HAPLN3: variants seen among roughly 807,000 people sequenced by gnomAD.
HAPLN3 encodes the protein hyaluronan and proteoglycan link protein 3, also known as extracellular link domain containing, 1.
Under a neutral mutation model 28.1 loss-of-function variants are expected in HAPLN3, and 28 were observed. The observed-to-expected ratio is 1.00, with a 90% CI of 0.74 to 1.37. HAPLN3 has a LOEUF of 1.37. HAPLN3 is among the 40% of genes most tolerant of loss of function. The pLI is 0.00. For missense variants in HAPLN3, 513 were observed against 504.6 expected, an observed-to-expected ratio of 1.02 and a Z score of -0.16; for synonymous variants, 211 against 213.1, an observed-to-expected ratio of 0.99 and a Z score of 0.09.
chr15:88,890,589 T>C (rs759140241), intron 1 of HAPLN3, among the ~76,000 whole-genome samples: 6 of 152,204 alleles, frequency 3.9e-5, no homozygotes, highest in Non-Finnish European at 7.3e-5. Flanking sequence ...AGCTGAAGAC[T>C]GCATTTCCAG....
chr15:88,879,217 G>T lies in HAPLN3; in HGVS notation c.546C>A (p.His182Gln), dbSNP rs138662474. The T allele has an allele frequency of 2.2e-5, 36 of 1,611,664 alleles. No individual in the cohort carries two copies. The highest frequency in any genetic ancestry group is 2.9e-5 in the Non-Finnish European group (34 of 1,178,876). The change falls in exon 4 of 5, where the codon CAC (histidine) becomes CAA (glutamine). Residue 182 changes from histidine (H) to glutamine (Q), a missense_variant. His to Gln is a conservative substitution (Grantham distance 24). Transcript: ENST00000359595. This position sits in a 1 kb window ranked among gnomAD's most constrained non-coding sequence, Gnocchi z 5.0. Reference protein sequence around the residue: ...SPNGRYQFNFHEGQQVCAEQA... With the variant: ...SPNGRYQFNFQEGQQVCAEQA... ...GCTCTGCACAGACCTGCTGGCCCTC[G>T]TGGAAGTTGAACTGGTAGCGCCCGT...
chr15:88,879,711 T>A lies in HAPLN3; in HGVS notation c.494-442A>T, dbSNP rs191506874. The A allele has an allele frequency of 8.5e-7, 1 of 1,177,630 alleles. No homozygotes were observed. Among genetic ancestry groups the A allele is most frequent in the South Asian group, 1.6e-5 (1 of 60,878 alleles). The allele number at this position is 1,177,630 out of a possible 1,614,324, so 72.9% of individuals were successfully genotyped here. A position where few individuals can be genotyped will look rare whatever the true frequency, so the allele number is the denominator to read the frequency against. ...TTTCCTAGGAAAATGCAAGGAACTT[T>A]CCACGTGTGGCAGATGATTTTCAGG... On this transcript the variant is annotated intron_variant, in intron 3 of 4. Transcript: ENST00000359595. The surrounding 1 kb of genome is among the most constrained non-coding windows in gnomAD (Gnocchi z 5.0).
At chr15:88,886,585 G>C (rs577814247) in intron 2 of HAPLN3, among the ~76,000 whole-genome samples, 2 of 152,014 alleles carry the variant, frequency 1.3e-5, no homozygotes, top group Non-Finnish European at 2.9e-5. Flanking sequence ...AGCAATTTGG[G>C]AGGTCGAGGC....
At chr15:88,885,045 G>C (rs1485636561) in intron 2 of HAPLN3, among the ~76,000 whole-genome samples, 1 of 152,220 alleles carries the variant, frequency 6.6e-6, no homozygotes, top group Non-Finnish European at 1.5e-5. Context: ...AAGCCACCAA[G>C]TTTGTGTTAA....
Position 88,879,216 on chromosome 15 carries a change from C to G in HAPLN3, c.547G>C (p.Glu183Gln), listed in dbSNP as rs1376240464. 1.9e-6 allele frequency: 3 copies of G among 1,611,798 alleles called. No individual in the cohort carries two copies. Among genetic ancestry groups the G allele is most frequent in the South Asian group, 2.2e-5 (2 of 90,758 alleles). ...PNGRYQFNFH[E>Q]GQQVCAEQAA... ...TGCTCTGCACAGACCTGCTGGCCCT[C>G]GTGGAAGTTGAACTGGTAGCGCCCG... The change falls in exon 4 of 5, where the codon GAG becomes CAG. Residue 183 changes from glutamate to glutamine, a missense_variant. By Grantham distance (29) the Glu-to-Gln change is conservative. Coordinates refer to ENST00000359595, the MANE Select transcript of HAPLN3 (RefSeq NM_178232.4). This position sits in a 1 kb window ranked among gnomAD's most constrained non-coding sequence, Gnocchi z 5.0.
chr15:88,892,088 G>C (rs1464754904), intron 1 of HAPLN3, among the ~76,000 whole-genome samples: 1 of 152,178 alleles, frequency 6.6e-6, no homozygotes, highest in African/African-American at 2.4e-5. Context: ...GCCACTAAGT[G>C]ACATCAGTAA....
In HAPLN3 at chr15:88,879,063, C is replaced by T. The variant is rs768239425; in HGVS notation, c.700G>A (p.Gly234Ser). ...ACGCCAGGTGCCAGGCCCGGGCCAC[C>T]GCAGGGCTGCCGGGGCAACATGATG... ...YPIMLPRQPC[G>S]GPGLAPGVRS... Residue 234 changes from glycine to serine, a missense_variant, in exon 4 of 5, where the codon GGT becomes AGT. By Grantham distance (56) the Gly-to-Ser change is moderately conservative. Coordinates refer to ENST00000359595, the MANE Select transcript of HAPLN3 (RefSeq NM_178232.4). This position sits in a 1 kb window ranked among gnomAD's most constrained non-coding sequence, Gnocchi z 5.0. 2.9e-5 allele frequency: 46 copies of T among 1,606,078 alleles called. No homozygotes were observed. The highest frequency in any genetic ancestry group is 3.7e-5 in the Non-Finnish European group (44 of 1,176,608).
In HAPLN3 at chr15:88,879,014, C is replaced by T. The variant is rs769466392; in HGVS notation, c.749G>A (p.Arg250His). ...PGVRSYGPRH[R>H]RLHRYDVFCF... is the part of the protein sequence containing the mutation. ...GAATACATCATAGCGGTGCAGGCGG[C>T]GGTGGCGGGGGCCGTAGCTTCGCAC... is the stretch of plus-strand genomic sequence containing the variant. Residue 250 changes from arginine (R) to histidine (H), a missense_variant, in exon 4 of 5, where the codon CGC (arginine) becomes CAC (histidine). Transcript: ENST00000359595. This position sits in a 1 kb window ranked among gnomAD's most constrained non-coding sequence, Gnocchi z 5.0. 21 of 1,609,560 alleles carry T rather than the reference C, an allele frequency of 1.3e-5. No homozygotes were observed. The highest frequency in any genetic ancestry group is 8.4e-5 in the Admixed American group (5 of 59,562).
At chr15:88,886,401 T>C (rs1361260457) in intron 2 of HAPLN3, among the ~76,000 whole-genome samples, 1 of 151,740 alleles carries the variant, frequency 6.6e-6, no homozygotes, top group African/African-American at 2.4e-5. Flanking sequence ...ATCAGGGCTT[T>C]TGTGATTACA....
At position 88,879,094 on chromosome 15, in the gene HAPLN3, C is replaced by T. The variant is rs1037125076; in HGVS notation, c.669G>A (p.Gln223=). 6.2e-7 allele frequency: 1 copy of T among 1,611,770 alleles called. No individual in the cohort carries two copies. The highest frequency in any genetic ancestry group is 8.5e-7 in the Non-Finnish European group (1 of 1,179,108). The stretch of plus-strand genomic sequence containing the variant: ...GCTGCCGGGGCAACATGATGGGGTA[C>T]TGCACCGTGGCATCCTGCAGCCAGC... The part of the protein sequence containing the change: ...NAGWLQDATV[Q]YPIMLPRQPC... The change falls in exon 4 of 5, where the codon CAG becomes CAA. Residue 223 remains glutamine, a synonymous_variant. Transcript: ENST00000359595. The surrounding 1 kb of genome is among the most constrained non-coding windows in gnomAD (Gnocchi z 5.0).
In HAPLN3 at chr15:88,880,284, C is replaced by T; in HGVS notation, c.494-1015G>A. 3 of 1,055,528 alleles carry T rather than the reference C, an allele frequency of 2.8e-6. No individual in the cohort carries two copies. The highest frequency in any genetic ancestry group is 2.3e-6 in the Non-Finnish European group (2 of 870,842). 65.4% of individuals were successfully genotyped at this position (1,055,528 alleles called of 1,614,324 possible). A position where few individuals can be genotyped will look rare whatever the true frequency, so the allele number is the denominator to read the frequency against. On this transcript the variant is annotated intron_variant, in intron 3 of 4. Transcript: ENST00000359595. The surrounding 1 kb of genome is among the most constrained non-coding windows in gnomAD (Gnocchi z 6.0). Reference sequence around the variant, plus strand: ...CCCAGACCAATGACTCTTGCAGGTTCTCCCCAACTCCACTGCCACCCCAAC... The same window carrying T: ...CCCAGACCAATGACTCTTGCAGGTTTTCCCCAACTCCACTGCCACCCCAAC...
intron 1 of HAPLN3, among the ~76,000 whole-genome samples, chr15:88,894,221 G>C (rs1366128398): frequency 6.6e-6 from 1 of 152,182 alleles, no homozygotes; most frequent in Non-Finnish European, 1.5e-5. Context: ...AGAGAGTGGA[G>C]GTCAGTGAAC....
chr15:88,878,083 G>C lies in HAPLN3; in HGVS notation c.970C>G (p.Pro324Ala). 1 of 1,614,026 alleles carries C rather than the reference G, an allele frequency of 6.2e-7. No individual in the cohort carries two copies. Among genetic ancestry groups the C allele is most frequent in the South Asian group, 1.1e-5 (1 of 91,084 alleles). ...GWLADGSVRY[P>A]VVHPHPNCGP... ...CAGTTAGGATGCGGGTGAACCACAG[G>C]GTAGCGGACGCTACCATCTGCCAGC... is the stretch of plus-strand genomic sequence containing the variant. The change falls in exon 5 of 5, where the codon CCT becomes GCT. Residue 324 changes from proline to alanine, a missense_variant. Coordinates refer to ENST00000359595, the MANE Select transcript of HAPLN3 (RefSeq NM_178232.4).
chr15:88,879,817 G>A lies in HAPLN3; in HGVS notation c.494-548C>T. On this transcript the variant is annotated intron_variant, in intron 3 of 4. Coordinates refer to ENST00000359595, the MANE Select transcript of HAPLN3 (RefSeq NM_178232.4). The surrounding 1 kb of genome is among the most constrained non-coding windows in gnomAD (Gnocchi z 5.0). ...AGGAGGCTCAAGGGCAGGGAGGTCT[G>A]GGGCAGGCGGTTTCTCTCCTTGTGG... 1 of 1,079,314 alleles carries A rather than the reference G, an allele frequency of 9.3e-7. No homozygotes were observed. The highest frequency in any genetic ancestry group is 1.1e-6 in the Non-Finnish European group (1 of 886,006). The allele number at this position is 1,079,314 out of a possible 1,614,324, so 66.9% of individuals were successfully genotyped here.
At position 88,878,092 on chromosome 15, in the gene HAPLN3, C is replaced by T. The variant is rs368331485; in HGVS notation, c.961G>A (p.Val321Ile). Residue 321 changes from valine to isoleucine, a missense_variant, in exon 5 of 5, where the codon GTC (valine) becomes ATC (isoleucine). Coordinates refer to ENST00000359595, the MANE Select transcript of HAPLN3 (RefSeq NM_178232.4). ...CDAGWLADGS[V>I]RYPVVHPHPN... ...TGCGGGTGAACCACAGGGTAGCGGACGCTACCATCTGCCAGCCAGCCAGCG... is the reference window on the plus strand; with the variant it reads ...TGCGGGTGAACCACAGGGTAGCGGATGCTACCATCTGCCAGCCAGCCAGCG... 37 of 1,613,904 alleles carry T rather than the reference C, an allele frequency of 2.3e-5. No individual in the cohort carries two copies. Among genetic ancestry groups the T allele is most frequent in the Admixed American group, 1.0e-4 (6 of 60,002 alleles).
chr15:88,887,068 C>A, intron 2 of HAPLN3, 107 bp downstream of exon 2: 1 of 1,261,944 alleles, frequency 7.9e-7, no homozygotes, highest in Admixed American at 1.7e-5. Context: ...CCTGCTGGAA[C>A]AGGGCTGCTG....
chr15:88,883,637 A>G (rs1348205386), intron 2 of HAPLN3, among the ~76,000 whole-genome samples: 1 of 152,260 alleles, frequency 6.6e-6, no homozygotes, highest in African/African-American at 2.4e-5. Flanking sequence ...ATAAAATACT[A>G]TACAGCCATG....
chr15:88,884,066 C>G (rs959044600), intron 2 of HAPLN3, among the ~76,000 whole-genome samples: 5 of 149,218 alleles, frequency 3.4e-5, no homozygotes, highest in African/African-American at 1.2e-4. Context: ...GAGTGAGACC[C>G]TGTCTCAAAA....
At position 88,881,630 on chromosome 15, in the gene HAPLN3, A is replaced by T; in HGVS notation, c.220T>A (p.Tyr74Asn). ...CGCGGGGAGACCAGGGCCGGCTCGT[A>T]GCGGTAGCGGCAGGGCAGGATCACA... ...ASVILPCRYR[Y>N]EPALVSPRRV... Residue 74 changes from tyrosine to asparagine, a missense_variant, in exon 3 of 5, where the codon TAC becomes AAC. Coordinates refer to ENST00000359595, the MANE Select transcript of HAPLN3 (RefSeq NM_178232.4). This position sits in a 1 kb window ranked among gnomAD's most constrained non-coding sequence, Gnocchi z 6.0. 1 of 1,613,966 alleles carries T rather than the reference A, an allele frequency of 6.2e-7. No homozygotes were observed. Among genetic ancestry groups the T allele is most frequent in the Non-Finnish European group, 8.5e-7 (1 of 1,180,012 alleles).
Sources: gnomAD v4.1 joint callset for allele counts (sites outside exome capture counted in the v4.1 genomes callset) on GRCh38, gnomAD v4.1.1 for gene constraint, Gnocchi (gnomAD v3.1) non-coding constraint, MANE v1.5 for transcripts, NCBI Gene and HGNC (gene_info 2026-07-23, HGNC 2026-07-21) for gene names.